Variants in PFKFB3 observed in about 807,000 individuals in gnomAD.
PFKFB3 encodes the protein 6-phosphofructo-2-kinase/fructose-2,6-biphosphatase 3.
A neutral mutation model predicts 68.0 loss-of-function variants in PFKFB3; 33 were observed. The ratio of observed to expected loss-of-function variants is 0.49; its 90% CI spans 0.37 to 0.65. The LOEUF is 0.65. Ranked by LOEUF, PFKFB3 falls within the 30% of genes least tolerant of loss-of-function variation. PFKFB3 has a pLI of 0.00. For synonymous variants in PFKFB3, 315 were observed against 288.2 expected, an observed-to-expected ratio of 1.09 and a Z score of -0.94; for missense variants, 586 against 712.2, an observed-to-expected ratio of 0.82 and a Z score of 2.02.
At chr10:6,251,581 C>G (rs4750177) in intron 14 of PFKFB3, among the ~76,000 whole-genome samples, 135,923 of 152,206 alleles carry the variant, frequency 0.89, 62,016 homozygotes, top group South Asian at 0.99. Context: ...TGGGGAAGAT[C>G]AATCTGGTGG....
Position 6,219,708 on chromosome 10 carries a change from T to C in PFKFB3, c.623+15T>C. Reference sequence around the variant, plus strand: ...AAATGCGACAGGTGATTCCCGTGGCTGGCCGTCTCTGCAAGACCCACATGA... The same window carrying C: ...AAATGCGACAGGTGATTCCCGTGGCCGGCCGTCTCTGCAAGACCCACATGA... On this transcript the variant is annotated intron_variant, in intron 7 of 14. Transcript: ENST00000379775. 1 of 1,612,442 alleles carries C rather than the reference T, an allele frequency of 6.2e-7. No homozygotes were observed. Among genetic ancestry groups the C allele is most frequent in the Non-Finnish European group, 8.5e-7 (1 of 1,179,014 alleles).
At chr10:6,323,225 C>T in the PFKFB3 span, among the ~76,000 whole-genome samples, 493 of 152,242 alleles carry the variant, frequency 3.2e-3, 3 homozygotes, top group African/African-American at 0.011. Flanking sequence ...TTATGGAGGC[C>T]GAGAAGTCTA....
At chr10:6,240,196 T>C (rs1053964700), downstream of PFKFB3, among the ~76,000 whole-genome samples, 4 of 152,218 alleles carry the variant, frequency 2.6e-5, no homozygotes, top group African/African-American at 9.6e-5. Flanking sequence ...ATTTCTTACA[T>C]GTACAAGAAA....
the PFKFB3 span, chr10:6,277,732 G>A: frequency 1.2e-5 from 5 of 419,748 alleles, no homozygotes; most frequent in South Asian, 6.7e-5. Context: ...GCAGATGCCA[G>A]CACCACGCTT....
Position 6,245,160 on chromosome 10 carries a change from G to A in PFKFB3, c.1516-9018G>A, listed in dbSNP as rs534227740. The stretch of plus-strand genomic sequence containing the variant: ...TGCCCAGGCTGGAATGCAGTGGCAC[G>A]ATCTCAGCTCACTGCAACCTCTGTC... On this transcript the variant is annotated intron_variant, in intron 14 of 14. Coordinates refer to the PFKFB3 transcript ENST00000640683. Among the ~76,000 whole-genome samples, 152 of 152,172 alleles carry A rather than the reference G, an allele frequency of 1.0e-3. 1 individual carries two copies. Among genetic ancestry groups the A allele is most frequent in the Middle Eastern group, 6.8e-3 (2 of 294 alleles).
the PFKFB3 span, among the ~76,000 whole-genome samples, chr10:6,318,464 T>C: frequency 6.6e-6 from 1 of 152,214 alleles, no homozygotes; most frequent in Non-Finnish European, 1.5e-5. Context: ...GAGCTCTCCT[T>C]CTTCCCCAGG....
At chr10:6,305,304 A>G in the PFKFB3 span, among the ~76,000 whole-genome samples, 33,032 of 132,192 alleles carry the variant, frequency 0.25, 4,818 homozygotes, top group East Asian at 0.68. Context: ...GATTACAGGC[A>G]TAAGCCACCA....
the PFKFB3 span, chr10:6,293,369 G>T: frequency 3.8e-6 from 1 of 265,930 alleles, no homozygotes; most frequent in South Asian, 4.0e-5. Context: ...TTTCGGAGAT[G>T]GAGTCTTACT....
chr10:6,237,308 G>T (rs543137988), downstream of PFKFB3, among the ~76,000 whole-genome samples: 1 of 152,354 alleles, frequency 6.6e-6, no homozygotes, highest in East Asian at 1.9e-4. Context: ...CCCCGTCATC[G>T]TCCATACGGA....
At chr10:6,169,513 G>A (rs1842241450) in intron 1 of PFKFB3, among the ~76,000 whole-genome samples, 1 of 152,148 alleles carries the variant, frequency 6.6e-6, no homozygotes, top group Non-Finnish European at 1.5e-5. Context: ...ATATTTGACT[G>A]TGATCTTGGG....
At chr10:6,248,466 T>TA (rs1439207229) in intron 14 of PFKFB3, among the ~76,000 whole-genome samples, 1 of 151,786 alleles carries the variant, frequency 6.6e-6, no homozygotes, top group African/African-American at 2.4e-5. Flanking sequence ...CTGTCTCTAC[T>TA]AAAAATACAA....
chr10:6,215,567 A>G lies in PFKFB3; in HGVS notation c.299+250A>G, dbSNP rs1844520910. 6.6e-6 allele frequency among the ~76,000 whole-genome samples: 1 copy of G among 152,144 alleles called. No homozygotes were observed. Among genetic ancestry groups the G allele is most frequent in the African/African-American group, 2.4e-5 (1 of 41,430 alleles). ...CCTGCTGGTGGCTTCAGGGCTGTGC[A>G]GTGTGGGAACAAGGTTGCTGCTCTC... On this transcript the variant is annotated intron_variant, in intron 3 of 14. Transcript: ENST00000379775. The surrounding 1 kb of genome is among the most constrained non-coding windows in gnomAD (Gnocchi z 4.3).
chr10:6,319,417 A>G, the PFKFB3 span, among the ~76,000 whole-genome samples: 1 of 152,230 alleles, frequency 6.6e-6, no homozygotes, highest in Admixed American at 6.5e-5. Flanking sequence ...AGAAAGTCAA[A>G]TGCCACACAT....
At chr10:6,152,584 C>T (rs940525366) in intron 1 of PFKFB3, among the ~76,000 whole-genome samples, 2 of 152,132 alleles carry the variant, frequency 1.3e-5, no homozygotes, top group African/African-American at 2.4e-5. Flanking sequence ...AGTAGAAAAG[C>T]GAGAAATGTA....
At chr10:6,181,199 T>C (rs1183036950) in intron 1 of PFKFB3, among the ~76,000 whole-genome samples, 1 of 152,098 alleles carries the variant, frequency 6.6e-6, no homozygotes, top group Non-Finnish European at 1.5e-5. Context: ...AAAAAAATGT[T>C]TTGTAGAGAT....
the PFKFB3 span, among the ~76,000 whole-genome samples, chr10:6,277,073 A>G: frequency 6.6e-6 from 1 of 152,094 alleles, no homozygotes; most frequent in Non-Finnish European, 1.5e-5. Flanking sequence ...AGAATGTTGC[A>G]TAAATGGAAT....
At chr10:6,181,033 G>C (rs1250645806) in intron 1 of PFKFB3, among the ~76,000 whole-genome samples, 2 of 151,922 alleles carry the variant, frequency 1.3e-5, no homozygotes, top group Non-Finnish European at 2.9e-5. Flanking sequence ...AATTATTTTA[G>C]AGACAGAGTC....
chr10:6,261,487 A>T, the PFKFB3 span, among the ~76,000 whole-genome samples: 5 of 152,238 alleles, frequency 3.3e-5, no homozygotes, highest in African/African-American at 1.2e-4. Context: ...ATGAGAATGC[A>T]TGGACACAAA....
chr10:6,230,198 C>T (rs981761705), intron 14 of PFKFB3, among the ~76,000 whole-genome samples: 4 of 152,210 alleles, frequency 2.6e-5, no homozygotes, highest in Non-Finnish European at 4.4e-5. Flanking sequence ...ACCCATCACA[C>T]CTGACTCAGG....
Sources: allele counts gnomAD v4.1 joint callset (sites outside exome capture counted in the v4.1 genomes callset), GRCh38; gene constraint gnomAD v4.1.1; non-coding constraint Gnocchi (gnomAD v3.1); transcripts MANE v1.5; gene names NCBI Gene and HGNC (gene_info 2026-07-23, HGNC 2026-07-21).